Variants in GCLC observed in about 807,000 individuals in gnomAD.
GCLC encodes glutamate--cysteine ligase catalytic subunit.
A neutral mutation model predicts 81.5 loss-of-function variants in GCLC; 30 were observed. The observed-to-expected ratio is 0.37, with a 90% CI of 0.28 to 0.50. The LOEUF is 0.50. Ranked by LOEUF, GCLC falls within the 20% of genes least tolerant of loss-of-function variation. The pLI, the probability that GCLC is intolerant of heterozygous loss-of-function variation, is 0.96. For missense variants in GCLC, 556 were observed against 777.4 expected, an observed-to-expected ratio of 0.72 and a Z score of 3.39; for synonymous variants, 262 against 273.3, an observed-to-expected ratio of 0.96 and a Z score of 0.41.
At position 53,520,893 on chromosome 6, in the gene GCLC, C is replaced by T. The variant is rs577867937; in HGVS notation, c.331G>A (p.Gly111Arg). The change falls in exon 3 of 16, where the codon GGA becomes AGA. Residue 111 changes from glycine to arginine, a missense_variant. This residue lies in a region of GCLC where 234 missense variants were observed against 303.8 expected (regional missense o/e 0.77). Transcript: ENST00000650454. ...MIEGTPGQPY[G>R]GTMSEFNTVE... is the part of the protein sequence containing the mutation. The stretch of plus-strand genomic sequence containing the variant: ...GTATTGAACTCGGACATTGTTCCTC[C>T]GTAGGGCTGTCCTGGTGTCCCTTCA... 234 of 1,613,826 alleles carry T rather than the reference C, an allele frequency of 1.4e-4. No individual in the cohort carries two copies. In the South Asian group the frequency reaches 1.7e-3, roughly 12 times the overall value.
chr6:53,540,957 G>A (rs1298564330), intron 1 of GCLC, among the ~76,000 whole-genome samples: 2 of 152,196 alleles, frequency 1.3e-5, no homozygotes, highest in African/African-American at 2.4e-5. Context: ...GCTCATGCCT[G>A]TAATCCCAGC....
intron 12 of GCLC, among the ~76,000 whole-genome samples, chr6:53,502,055 T>C (rs752537090): frequency 3.3e-5 from 5 of 152,272 alleles, no homozygotes; most frequent in African/African-American, 4.8e-5. Flanking sequence ...CAATGTTAAA[T>C]TTCTCCAGAG....
Position 53,514,475 on chromosome 6 carries a change from G to T in GCLC, c.583C>A (p.His195Asn). ...RFSTLTRNIRHRRGEKVVINV... is the reference protein window; with the variant it reads ...RFSTLTRNIRNRRGEKVVINV... Reference sequence around the variant, plus strand: ...ATGACAACCTTTTCTCCTCTCCTATGTCGGATATTTCTTGTTAAGGTACTA... The same window carrying T: ...ATGACAACCTTTTCTCCTCTCCTATTTCGGATATTTCTTGTTAAGGTACTA... Residue 195 changes from histidine (H) to asparagine (N), a missense_variant, in exon 5 of 16, where the codon CAT (histidine) becomes AAT (asparagine). Coordinates refer to ENST00000650454, the MANE Select transcript of GCLC (RefSeq NM_001498.4). 2.5e-6 allele frequency: 4 copies of T among 1,613,312 alleles called. No individual in the cohort carries two copies. Among genetic ancestry groups the T allele is most frequent in the Non-Finnish European group, 3.4e-6 (4 of 1,179,276 alleles).
At chr6:53,533,540 C>T (rs1581747590) in intron 1 of GCLC, among the ~76,000 whole-genome samples, 2 of 150,500 alleles carry the variant, frequency 1.3e-5, no homozygotes, top group African/African-American at 4.9e-5. Context: ...TATGTAATCT[C>T]AAAGAAAATG....
At position 53,531,537 on chromosome 6, in the gene GCLC, C is replaced by T. The variant is rs577748295; in HGVS notation, c.151-9010G>A. 2.6e-5 allele frequency among the ~76,000 whole-genome samples: 4 copies of T among 152,328 alleles called. No individual in the cohort carries two copies. In the South Asian group the frequency reaches 6.2e-4, roughly 24 times the overall value. ...CCTAAAGAGCATTAGGACCAATCTTCTCAGCCTCCTTCATTTCAACCCACC... is the reference window on the plus strand; with the variant it reads ...CCTAAAGAGCATTAGGACCAATCTTTTCAGCCTCCTTCATTTCAACCCACC... On this transcript the variant is annotated intron_variant, in intron 1 of 15. Coordinates refer to ENST00000650454, the MANE Select transcript of GCLC (RefSeq NM_001498.4).
At chr6:53,514,384 T>C in intron 5 of GCLC, 47 bp from the exon 6 acceptor site, 6 of 1,589,770 alleles carry the variant, frequency 3.8e-6, no homozygotes, top group Non-Finnish European at 5.2e-6. Context: ...AATCCAGGAT[T>C]AAACAACAAT....
intron 3 of GCLC, 84 bp from the exon 4 acceptor site, chr6:53,516,306 A>G: frequency 1.2e-6 from 1 of 844,786 alleles, no homozygotes; most frequent in East Asian, 2.5e-5. Flanking sequence ...GCACCTGCCA[A>G]AGACACCTCA....
chr6:53,544,466 C>A, intron 1 of GCLC, 30 bp downstream of exon 1: 1 of 1,602,254 alleles, frequency 6.2e-7, no homozygotes, highest in Non-Finnish European at 8.5e-7. Flanking sequence ...ACACGGGTGC[C>A]CGGCGGGGAC....
intron 1 of GCLC, among the ~76,000 whole-genome samples, chr6:53,540,876 C>G (rs1383677500): frequency 6.6e-6 from 1 of 152,076 alleles, no homozygotes; most frequent in Non-Finnish European, 1.5e-5. Flanking sequence ...CCCTCCCATC[C>G]TCACCCCACA....
intron 3 of GCLC, among the ~76,000 whole-genome samples, chr6:53,520,318 T>A (rs1270953156): frequency 6.6e-6 from 1 of 152,210 alleles, no homozygotes; most frequent in Non-Finnish European, 1.5e-5. Context: ...GCACTGCAGA[T>A]CCTCTGATCT....
intron 3 of GCLC, among the ~76,000 whole-genome samples, chr6:53,520,345 T>A (rs1378676146): frequency 6.6e-6 from 1 of 152,242 alleles, no homozygotes; most frequent in African/African-American, 2.4e-5. Flanking sequence ...GATGCCACCA[T>A]ATGCTAGCAG....
rs1764866580 is a variant in GCLC, at chr6:53,516,150, G to C, written c.519C>G (p.Leu173=). The C allele has an allele frequency of 6.2e-7, 1 of 1,613,786 alleles. No homozygotes were observed. Among genetic ancestry groups the C allele is most frequent in the Non-Finnish European group, 8.5e-7 (1 of 1,179,688 alleles). ...TGTTTATTGCTTCATCTGGAAAGAA[G>C]AGGGACTTGGAAGCTCCTCCTTCCA... The part of the protein sequence containing the change: ...NPVEGGASKS[L]FFPDEAINKH... The change falls in exon 4 of 16, where the codon CTC becomes CTG. Residue 173 remains leucine, a synonymous_variant. Coordinates refer to ENST00000650454, the MANE Select transcript of GCLC (RefSeq NM_001498.4).
chr6:53,539,201 T>A (rs1440132536), intron 1 of GCLC, among the ~76,000 whole-genome samples: 1 of 152,230 alleles, frequency 6.6e-6, no homozygotes, highest in Non-Finnish European at 1.5e-5. Flanking sequence ...TTGTTTGTAT[T>A]CTCAGCAGGC....
At chr6:53,508,926 T>G (rs1313120940) in intron 7 of GCLC, among the ~76,000 whole-genome samples, 1 of 152,198 alleles carries the variant, frequency 6.6e-6, no homozygotes, top group Non-Finnish European at 1.5e-5. Context: ...TGTGAGGACA[T>G]GAAGTATGGG....
At chr6:53,528,950 G>A (rs1416446276) in intron 1 of GCLC, among the ~76,000 whole-genome samples, 2 of 152,154 alleles carry the variant, frequency 1.3e-5, no homozygotes, top group African/African-American at 4.8e-5. Flanking sequence ...GAGTTGCGGG[G>A]TAAACTGGGA....
At chr6:53,525,488 A>C (rs941043527) in intron 1 of GCLC, among the ~76,000 whole-genome samples, 1 of 152,230 alleles carries the variant, frequency 6.6e-6, no homozygotes, top group African/African-American at 2.4e-5. Flanking sequence ...CCCCATTCTA[A>C]ACTTCATTTT....
chr6:53,510,772 G>T (rs1168567642), intron 6 of GCLC, among the ~76,000 whole-genome samples: 2 of 152,316 alleles, frequency 1.3e-5, no homozygotes, highest in East Asian at 1.9e-4. Context: ...GTCTATTGGA[G>T]ACTCAAGTTT....
rs779163645 is a variant in GCLC at position 53,500,295 on chromosome 6, A to C, written c.1533T>G (p.Ala511=). 1 of 1,614,198 alleles carries C rather than the reference A, an allele frequency of 6.2e-7. No homozygotes were observed. Among genetic ancestry groups the C allele is most frequent in the South Asian group, 1.1e-5 (1 of 91,084 alleles). The change falls in exon 14 of 16, where the codon GCT becomes GCG. Residue 511 remains alanine, a synonymous_variant. Transcript: ENST00000650454. The part of the protein sequence containing the change: ...CGKAQNSTEL[A]AEEYTLMSID... ...TGCTCATGAGGGTGTACTCCTCTGC[A>C]GCGAGCTCCGTGCTGTTCTGGGCCT... is the stretch of plus-strand genomic sequence containing the variant.
At chr6:53,513,653 C>G (rs17879127) in intron 6 of GCLC, 2,080 of 158,404 alleles carry the variant, frequency 0.013, 46 homozygotes, top group African/African-American at 0.047. Context: ...GGGGCACCAT[C>G]ATTTAAACAG....
Sources: gnomAD v4.1 joint callset for allele counts (sites outside exome capture counted in the v4.1 genomes callset) on GRCh38, gnomAD v4.1.1 for gene constraint, gnomAD v4.1.1 regional missense constraint, MANE v1.5 for transcripts, NCBI Gene and HGNC (gene_info 2026-07-23, HGNC 2026-07-21) for gene names.